Variants in ACCSL observed in about 807,000 individuals in gnomAD.
ACCSL encodes 1-aminocyclopropane-1-carboxylate synthase homolog (inactive) like, also known as probable inactive 1-aminocyclopropane-1-carboxylate synthase-like protein 2.
Under a neutral mutation model 61.7 loss-of-function variants are expected in ACCSL, and 55 were observed. That is an observed-to-expected ratio of 0.89 (90% CI 0.72 to 1.12). The LOEUF is 1.12. ACCSL is among the 50% of genes most tolerant of loss of function. The pLI is 0.00. For synonymous variants in ACCSL, 258 were observed against 264.3 expected (o/e 0.98, Z 0.23); for missense variants, 632 against 698.0 (o/e 0.91, Z 1.07).
rs758635417 is a variant in ACCSL at position 44,052,682 on chromosome 11, C to T, written c.793C>T (p.Pro265Ser). 2 of 1,614,164 alleles carry T rather than the reference C, an allele frequency of 1.2e-6. No individual in the cohort carries two copies. Among genetic ancestry groups the T allele is most frequent in the Middle Eastern group, 1.7e-4 (1 of 6,056 alleles). The change falls in exon 6 of 14, where the codon CCC becomes TCC. Residue 265 changes from proline (P) to serine (S), a missense_variant. Physicochemically the swap from Pro to Ser is moderately conservative, Grantham distance 74. Coordinates refer to ENST00000378832, the MANE Select transcript of ACCSL (RefSeq NM_001031854.2). ...TCCAGAGGCCTTCCTGGTCCCTGCTCCCTTCTATGGTGGCTTTGCCTTTAG... is the reference window on the plus strand; with the variant it reads ...TCCAGAGGCCTTCCTGGTCCCTGCTTCCTTCTATGGTGGCTTTGCCTTTAG... The part of the protein sequence containing the change: ...DPGEAFLVPA[P>S]FYGGFAFSSR...
the ACCSL span, among the ~76,000 whole-genome samples, chr11:43,981,833 T>C: frequency 2.0e-5 from 3 of 152,316 alleles, no homozygotes; most frequent in Non-Finnish European, 2.9e-5. Flanking sequence ...GAGCTGGTGT[T>C]CCTGTGCTCT....
At chr11:43,937,074 C>A in the ACCSL span, among the ~76,000 whole-genome samples, 1 of 152,034 alleles carries the variant, frequency 6.6e-6, no homozygotes, top group African/African-American at 2.4e-5. Flanking sequence ...TACCCTAGTC[C>A]CCAGCCTCAG....
chr11:43,941,199 C>T, the ACCSL span, among the ~76,000 whole-genome samples: 2 of 152,250 alleles, frequency 1.3e-5, no homozygotes, highest in South Asian at 2.1e-4. Flanking sequence ...TTCCTGGTCC[C>T]GTGCTCTAAG....
At position 44,052,649 on chromosome 11, in the gene ACCSL, T is replaced by C. The variant is rs767494956; in HGVS notation, c.773-13T>C. On this transcript the variant is annotated splice_polypyrimidine_tract_variant and intron_variant, in intron 5 of 13. Coordinates refer to ENST00000378832, the MANE Select transcript of ACCSL (RefSeq NM_001031854.2). ...GACTTTGGACTGATAGCTCTGTCTC[T>C]CTGTGTTTCCAGAGGCCTTCCTGGT... 19 of 1,610,800 alleles carry C rather than the reference T, an allele frequency of 1.2e-5. No homozygotes were observed. Among genetic ancestry groups the C allele is most frequent in the Non-Finnish European group, 1.5e-5 (18 of 1,176,922 alleles).
At chr11:44,018,928 A>G in the ACCSL span, among the ~76,000 whole-genome samples, 1 of 152,222 alleles carries the variant, frequency 6.6e-6, no homozygotes, top group Non-Finnish European at 1.5e-5. Context: ...TCACTCCAAA[A>G]AGAAATTTGA....
chr11:44,019,343 G>A, the ACCSL span, among the ~76,000 whole-genome samples: 15 of 152,182 alleles, frequency 9.9e-5, no homozygotes, highest in Non-Finnish European at 1.8e-4. Flanking sequence ...TAACTTTTTA[G>A]AAGAACTGCC....
chr11:44,050,692 A>C, intron 3 of ACCSL, 70 bp downstream of exon 3: 1 of 1,480,086 alleles, frequency 6.8e-7, no homozygotes, highest in Non-Finnish European at 9.3e-7. Context: ...GGAGGATTCA[A>C]GGCACCAAAT....
At chr11:44,007,292 C>T in the ACCSL span, among the ~76,000 whole-genome samples, 6 of 152,162 alleles carry the variant, frequency 3.9e-5, no homozygotes, top group Admixed American at 3.3e-4. Flanking sequence ...CAGTTTGAGA[C>T]AGAAGTGCCC....
chr11:43,963,525 G>C, the ACCSL span, among the ~76,000 whole-genome samples: 1 of 152,176 alleles, frequency 6.6e-6, no homozygotes, highest in Admixed American at 6.5e-5. Flanking sequence ...GGCCCCAGAG[G>C]ATGTTAAAAC....
rs1307416030 is a variant in ACCSL, at chr11:44,050,616, A to G, written c.629A>G (p.Gln210Arg). The change falls in exon 3 of 14, where the codon CAG becomes CGG. Residue 210 changes from glutamine to arginine, a missense_variant. Physicochemically the swap from Gln to Arg is conservative, Grantham distance 43. Coordinates refer to ENST00000378832, the MANE Select transcript of ACCSL (RefSeq NM_001031854.2). ...CTTCAGTACCCTGATTGGAGAGGGCAGCCATTGTAAGTGACCTTCAGATTT... is the reference window on the plus strand; with the variant it reads ...CTTCAGTACCCTGATTGGAGAGGGCGGCCATTGTAAGTGACCTTCAGATTT... ...TLLQYPDWRG[Q>R]PFLREEVARF... The G allele has an allele frequency of 3.1e-6, 5 of 1,613,868 alleles. No homozygotes were observed. The highest frequency in any genetic ancestry group is 2.2e-5 in the East Asian group (1 of 44,868).
chr11:44,034,559 A>AAG, the ACCSL span, among the ~76,000 whole-genome samples: 59 of 151,500 alleles, frequency 3.9e-4, 1 homozygote, highest in South Asian at 3.3e-3. Context: ...GGTGGCAAGC[A>AAG]AGAGAGAGAG....
At chr11:43,921,303 C>T in the ACCSL span, 1 of 152,178 alleles carries the variant, frequency 6.6e-6, no homozygotes, top group Non-Finnish European at 1.5e-5. Flanking sequence ...CATGCCTGGC[C>T]AGGCTGTTCT....
the ACCSL span, among the ~76,000 whole-genome samples, chr11:44,040,149 G>T: frequency 6.6e-6 from 1 of 152,328 alleles, no homozygotes; most frequent in East Asian, 1.9e-4. Context: ...ACCCACTTCA[G>T]CTTGTTCTCA....
chr11:44,051,560 T>G (rs1952639206), intron 4 of ACCSL, 93 bp from the exon 5 acceptor site: 1 of 1,550,868 alleles, frequency 6.4e-7, no homozygotes, highest in Non-Finnish European at 8.9e-7. Flanking sequence ...AGGCTCCCTG[T>G]GCCTGTTCTG....
chr11:43,983,408 G>A, the ACCSL span, among the ~76,000 whole-genome samples: 1 of 152,254 alleles, frequency 6.6e-6, no homozygotes, highest in East Asian at 1.9e-4. Flanking sequence ...CCTGGTGCAG[G>A]GGATGTGGTC....
At chr11:44,010,082 T>A in the ACCSL span, among the ~76,000 whole-genome samples, 1 of 152,244 alleles carries the variant, frequency 6.6e-6, no homozygotes, top group Non-Finnish European at 1.5e-5. Flanking sequence ...GGCTCATGCC[T>A]GTAATCCCAG....
the ACCSL span, among the ~76,000 whole-genome samples, chr11:43,997,808 G>A: frequency 6.6e-6 from 1 of 152,202 alleles, no homozygotes; most frequent in South Asian, 2.1e-4. Context: ...ATCTAGGTTA[G>A]GGGATTCAGC....
chr11:43,957,826 G>A, the ACCSL span, among the ~76,000 whole-genome samples: 7 of 152,272 alleles, frequency 4.6e-5, no homozygotes, highest in Non-Finnish European at 8.8e-5. Context: ...GTGTAACAAG[G>A]CATGTGTGAC....
chr11:43,960,376 A>T, the ACCSL span, among the ~76,000 whole-genome samples: 3 of 151,718 alleles, frequency 2.0e-5, no homozygotes, highest in Non-Finnish European at 2.9e-5. Context: ...ACTATATTTG[A>T]TTTTTACTGC....
Sources: allele counts gnomAD v4.1 joint callset (sites outside exome capture counted in the v4.1 genomes callset), GRCh38; gene constraint gnomAD v4.1.1; transcripts MANE v1.5; gene names NCBI Gene and HGNC (gene_info 2026-07-23, HGNC 2026-07-21).